EML4: variants seen among roughly 807,000 people sequenced by gnomAD.
EML4 encodes echinoderm microtubule-associated protein-like 4.
A neutral mutation model predicts 129.0 loss-of-function variants in EML4; 72 were observed. The ratio of observed to expected loss-of-function variants is 0.56; its 90% CI spans 0.46 to 0.68. The LOEUF is 0.68. Among genes scored for constraint, EML4 ranks in the 30% least tolerant of loss-of-function variants. The probability of loss-of-function intolerance (pLI) is 0.00; values close to 1 mark genes in which losing one functional copy is unlikely to be tolerated. For missense variants in EML4, 1,363 were observed against 1,190.6 expected (o/e 1.14, Z -2.13); for synonymous variants, 532 against 405.0 (o/e 1.31, Z -3.77).
intron 8 of EML4, among the ~76,000 whole-genome samples, chr2:42,283,191 C>T (rs937097361): frequency 2.0e-5 from 3 of 152,230 alleles, no homozygotes; most frequent in African/African-American, 7.2e-5. Context: ...CTCCATAAAT[C>T]ATGATTGGAA....
chr2:42,242,604 C>G (rs138803663), intron 1 of EML4, among the ~76,000 whole-genome samples: 2,506 of 152,152 alleles, frequency 0.016, 36 homozygotes, highest in Non-Finnish European at 0.022. Context: ...GACTACTACT[C>G]CTGTGGTAGT....
chr2:42,231,375 C>T (rs17029365), intron 1 of EML4, among the ~76,000 whole-genome samples: 11 of 152,282 alleles, frequency 7.2e-5, no homozygotes, highest in African/African-American at 2.6e-4. Context: ...CCTAATAAAG[C>T]TCCGAAGTGT....
Position 42,261,125 on chromosome 2 carries a change from A to G in EML4, c.343A>G (p.Thr115Ala), listed in dbSNP as rs760613297. The part of the protein sequence containing the change: ...ETLSSAAKSG[T>A]EKKKEKPQGQ... ...ATGTTATACTTTATTTTACAGTGGT[A>G]CAGAAAAAAAGAAAGAAAAACCACA... The change falls in exon 4 of 23, where the codon ACA (threonine) becomes GCA (alanine). Residue 115 changes from threonine to alanine, a missense_variant. Coordinates refer to ENST00000318522, the MANE Select transcript of EML4 (RefSeq NM_019063.5). The G allele has an allele frequency of 7.5e-6, 12 of 1,603,766 alleles. No individual in the cohort carries two copies. The East Asian group carries it at 1.8e-4, about 24-fold the overall frequency.
chr2:42,269,895 A>C (rs1291882687), intron 6 of EML4, among the ~76,000 whole-genome samples: 1 of 152,222 alleles, frequency 6.6e-6, no homozygotes, highest in Non-Finnish European at 1.5e-5. Context: ...AAAGTGATAT[A>C]GCAGAAAGGG....
At chr2:42,304,664 G>A in intron 17 of EML4, 113 bp downstream of exon 17, 1 of 816,412 alleles carries the variant, frequency 1.2e-6, no homozygotes, top group Non-Finnish European at 2.1e-6. Flanking sequence ...ACACTAATAT[G>A]CTTGTTGTTC....
At position 42,248,688 on chromosome 2, in the gene EML4, T is replaced by A; in HGVS notation, c.208+3001T>A. Among the ~76,000 whole-genome samples the A allele has an allele frequency of 1.3e-5, 2 of 152,044 alleles. 1 individual carries two copies. On this transcript the variant is annotated intron_variant, in intron 2 of 22. Coordinates refer to ENST00000318522, the MANE Select transcript of EML4 (RefSeq NM_019063.5). ...TTTTAATAACCTTACTAATTAGAGA[T>A]TTTTTTTCCAATTGATTTTTAAATT...
intron 17 of EML4, among the ~76,000 whole-genome samples, chr2:42,308,332 C>T (rs1371199601): frequency 1.3e-5 from 2 of 151,792 alleles, no homozygotes; most frequent in Admixed American, 1.3e-4. Context: ...ATGGCAAAAC[C>T]CTGTCTTTAC....
At chr2:42,290,173 G>A (rs996072430) in intron 11 of EML4, among the ~76,000 whole-genome samples, 1 of 152,066 alleles carries the variant, frequency 6.6e-6, no homozygotes, top group African/African-American at 2.4e-5. Flanking sequence ...CTCTAGTAAA[G>A]GTCAGAGGGA....
intron 13 of EML4, 78 bp downstream of exon 13, chr2:42,295,594 G>A (rs1475130661): frequency 7.7e-7 from 1 of 1,293,258 alleles, no homozygotes; most frequent in Non-Finnish European, 1.1e-6. Context: ...TAGACCAGGA[G>A]AGAAAGAGCT....
At chr2:42,282,196 G>C (rs1486094194) in intron 7 of EML4, among the ~76,000 whole-genome samples, 2 of 143,960 alleles carry the variant, frequency 1.4e-5, no homozygotes, top group African/African-American at 5.2e-5. Flanking sequence ...TTTTTTCTTT[G>C]CCAGAGGATA....
At chr2:42,325,095 T>C (rs922473634) in intron 19 of EML4, 10 of 430,018 alleles carry the variant, frequency 2.3e-5, no homozygotes, top group Admixed American at 5.0e-5. Context: ...GCACAACTTA[T>C]AACCAACACT....
intron 6 of EML4, among the ~76,000 whole-genome samples, chr2:42,278,088 A>G (rs1301629548): frequency 1.3e-5 from 2 of 152,198 alleles, no homozygotes; most frequent in East Asian, 3.9e-4. Flanking sequence ...ATATCATGCC[A>G]GACAAGTTGG....
intron 13 of EML4, 97 bp downstream of exon 13, chr2:42,295,613 A>C (rs112801391): frequency 2.5e-5 from 26 of 1,048,154 alleles, no homozygotes; most frequent in African/African-American, 2.4e-4. Context: ...CTGCAGTGTA[A>C]CAATATGAGC....
intron 1 of EML4, among the ~76,000 whole-genome samples, chr2:42,210,446 C>T (rs2104017935): frequency 6.6e-6 from 1 of 152,290 alleles, no homozygotes; most frequent in East Asian, 1.9e-4. Flanking sequence ...TGAACTTGAT[C>T]ACTTCACTGA....
intron 21 of EML4, among the ~76,000 whole-genome samples, chr2:42,327,357 A>C (rs1669862724): frequency 6.6e-6 from 1 of 152,170 alleles, no homozygotes; most frequent in Non-Finnish European, 1.5e-5. Context: ...TTGGGTATTT[A>C]CCTAGGAGTA....
chr2:42,268,153 GATTCAACCGACCTGC>G (rs896399540), intron 6 of EML4, among the ~76,000 whole-genome samples: 1 of 152,162 alleles, frequency 6.6e-6, no homozygotes, highest in African/African-American at 2.4e-5. Context: ...CACATTCCTG[GATTCAACCGACCTGC>G]ATTCGAAATA....
chr2:42,278,107 A>G (rs1488088098), intron 6 of EML4, among the ~76,000 whole-genome samples: 1 of 152,166 alleles, frequency 6.6e-6, no homozygotes, highest in African/African-American at 2.4e-5. Context: ...GGCAAGTGCT[A>G]GACATTTCCC....
intron 6 of EML4, among the ~76,000 whole-genome samples, chr2:42,275,002 T>C (rs910452018): frequency 9.2e-5 from 14 of 152,192 alleles, no homozygotes; most frequent in Non-Finnish European, 1.9e-4. Context: ...CTAGTACTAT[T>C]TGGATTAAAA....
In EML4 at chr2:42,265,046, C is replaced by T. The variant is rs2104400994; in HGVS notation, c.667+315C>T. The T allele has an allele frequency of 1.2e-5, 14 of 1,208,350 alleles. 1 individual carries two copies. The South Asian group carries it at 1.9e-4, about 17-fold the overall frequency. The allele number at this position is 1,208,350 out of a possible 1,614,324, so 74.9% of individuals were successfully genotyped here. On this transcript the variant is annotated intron_variant, in intron 6 of 22. Transcript: ENST00000318522. ...ATTATTTATGCTGCCTGACTTTCTT[C>T]CTTAAAAAGGAAATACAGTGATTTG...
Sources: allele counts gnomAD v4.1 joint callset (sites outside exome capture counted in the v4.1 genomes callset), GRCh38; gene constraint gnomAD v4.1.1; transcripts MANE v1.5; gene names NCBI Gene and HGNC (gene_info 2026-07-23, HGNC 2026-07-21).